Variants in PDILT observed in about 807,000 individuals in gnomAD.
PDILT encodes the protein protein disulfide-isomerase-like protein of the testis.
Under a neutral mutation model 53.7 loss-of-function variants are expected in PDILT, and 43 were observed. The ratio of observed to expected loss-of-function variants is 0.80; its 90% CI spans 0.63 to 1.03. PDILT has a LOEUF of 1.03. PDILT is among the 50% of genes least tolerant of loss of function. The pLI is 0.00. For synonymous variants in PDILT, 282 were observed against 274.2 expected (o/e 1.03, Z -0.28); for missense variants, 727 against 712.3 (o/e 1.02, Z -0.24).
chr16:20,397,870 G>T (rs1966682212), intron 2 of PDILT, among the ~76,000 whole-genome samples: 1 of 152,098 alleles, frequency 6.6e-6, no homozygotes, highest in Non-Finnish European at 1.5e-5. Context: ...CAGGCCTTAG[G>T]GACTGACACG....
At chr16:20,377,204 C>T (rs1481500230) in intron 3 of PDILT, among the ~76,000 whole-genome samples, 1 of 152,136 alleles carries the variant, frequency 6.6e-6, no homozygotes, top group African/African-American at 2.4e-5. Flanking sequence ...AGAAGGATTG[C>T]TTGAGCCCAG....
At chr16:20,367,254 CACCACACCCGGCTAA>C (rs1389598488) in intron 8 of PDILT, among the ~76,000 whole-genome samples, 1 of 151,958 alleles carries the variant, frequency 6.6e-6, no homozygotes, top group Non-Finnish European at 1.5e-5. Context: ...AGGTGCGTGC[CACCACACCCGGCTAA>C]TGTTTTGTAT....
chr16:20,364,872 G>T (rs2141701798), intron 9 of PDILT, among the ~76,000 whole-genome samples: 1 of 152,302 alleles, frequency 6.6e-6, no homozygotes, highest in East Asian at 1.9e-4. Flanking sequence ...TGGGCCATTT[G>T]ATAAGTCATC....
chr16:20,370,539 A>C (rs1167403068), intron 7 of PDILT, among the ~76,000 whole-genome samples: 1 of 152,198 alleles, frequency 6.6e-6, no homozygotes, highest in Non-Finnish European at 1.5e-5. Flanking sequence ...GACAAAACAA[A>C]CACCTAGAGA....
At chr16:20,396,406 T>A (rs1218224833) in intron 2 of PDILT, among the ~76,000 whole-genome samples, 1 of 152,224 alleles carries the variant, frequency 6.6e-6, no homozygotes, top group African/African-American at 2.4e-5. Context: ...ATGAGGTCTT[T>A]GATTAAATAT....
intron 7 of PDILT, among the ~76,000 whole-genome samples, chr16:20,371,677 T>C (rs898686567): frequency 2.6e-5 from 4 of 152,174 alleles, no homozygotes; most frequent in Non-Finnish European, 4.4e-5. Flanking sequence ...CATCTTCTGA[T>C]GTAAGCCAAA....
Position 20,384,986 on chromosome 16 carries a change from G to A in PDILT, c.203-135C>T, listed in dbSNP as rs889772763. 9.0e-6 allele frequency: 7 copies of A among 779,430 alleles called. No individual in the cohort carries two copies. The African/African-American group carries it at 1.0e-4, about 12-fold the overall frequency. 48.3% of individuals were successfully genotyped at this position (779,430 alleles called of 1,614,324 possible). On this transcript the variant is annotated intron_variant, in intron 2 of 11. Transcript: ENST00000302451. ...GGTTAATGGCTGAATTTTCATAAAT[G>A]TGACAAGATGTGAGACACAATGGTT...
intron 8 of PDILT, among the ~76,000 whole-genome samples, chr16:20,367,787 C>T (rs2141707030): frequency 6.6e-6 from 1 of 152,194 alleles, no homozygotes; most frequent in East Asian, 1.9e-4. Context: ...ACTGAAATTT[C>T]CATATGGATG....
chr16:20,360,727 AGGTAAACCCAG>A (rs1405660501), intron 10 of PDILT, 70 bp from the exon 11 acceptor site: 2 of 1,154,944 alleles, frequency 1.7e-6, no homozygotes, highest in Admixed American at 1.7e-5. Flanking sequence ...ATTGCTACCT[AGGTAAACCCAG>A]GGTCAAATTC....
chr16:20,402,221 A>T lies in PDILT; in HGVS notation c.-8+2275T>A, dbSNP rs145474281. On this transcript the variant is annotated intron_variant, in intron 1 of 11. Transcript: ENST00000302451. ...GATGCAATCAATGGTGTGTCAGATG[A>T]TGGTAATGCAAAGGAGAAAAGGTGG... Among the ~76,000 whole-genome samples, 402 of 152,338 alleles carry T rather than the reference A, an allele frequency of 2.6e-3. 2 individuals are homozygous for T. The highest frequency in any genetic ancestry group is 9.1e-3 in the African/African-American group (378 of 41,570).
intron 7 of PDILT, among the ~76,000 whole-genome samples, chr16:20,370,419 G>T (rs138069564): frequency 6.6e-6 from 1 of 152,272 alleles, no homozygotes; most frequent in East Asian, 1.9e-4. Context: ...TAGGTAGGGT[G>T]GTCAAGAGGA....
At chr16:20,376,910 A>T (rs899260663) in intron 3 of PDILT, among the ~76,000 whole-genome samples, 5 of 152,248 alleles carry the variant, frequency 3.3e-5, no homozygotes, top group Non-Finnish European at 5.9e-5. Flanking sequence ...TTTTTCTAGG[A>T]TTATCAGTTT....
At chr16:20,402,896 C>T (rs926189110) in intron 1 of PDILT, among the ~76,000 whole-genome samples, 5 of 152,142 alleles carry the variant, frequency 3.3e-5, no homozygotes, top group African/African-American at 1.2e-4. Flanking sequence ...CAGCCTTGGC[C>T]CTTGGTTCTG....
chr16:20,375,922 G>A (rs1966379168), intron 4 of PDILT, 146 bp downstream of exon 4: 1 of 972,228 alleles, frequency 1.0e-6, no homozygotes. Context: ...CTGTTCATTT[G>A]AACCCTTGGA....
rs768109168 is a variant in PDILT, at chr16:20,359,503, G to A, written c.1571C>T (p.Pro524Leu). The change falls in exon 12 of 12, where the codon CCT (proline) becomes CTT (leucine). Residue 524 changes from proline (P) to leucine (L), a missense_variant. Transcript: ENST00000302451. ...EEVLAEEKEVPMMRKGLPEQQ... is the reference protein window; with the variant it reads ...EEVLAEEKEVLMMRKGLPEQQ... Reference sequence around the variant, plus strand: ...TTCAGGTAACCCTTTCCTCATCATAGGCACCTCCTTTTCCTCAGCTAGCAC... The same window carrying A: ...TTCAGGTAACCCTTTCCTCATCATAAGCACCTCCTTTTCCTCAGCTAGCAC... The A allele has an allele frequency of 3.7e-6, 6 of 1,613,862 alleles. No individual in the cohort carries two copies. The highest frequency in any genetic ancestry group is 4.5e-5 in the East Asian group (2 of 44,888).
At position 20,366,991 on chromosome 16, in the gene PDILT, T is replaced by TTC. The variant is rs1471005920; in HGVS notation, c.1117-1452_1117-1451insGA. 5.3e-4 allele frequency among the ~76,000 whole-genome samples: 74 copies of TTC among 139,192 alleles called. 1 individual carries two copies. The highest frequency in any genetic ancestry group is 5.3e-3 in the East Asian group (21 of 3,998). 91.3% of individuals were successfully genotyped at this position (139,192 alleles called of 152,430 possible). ...TCCTTCCTTCCTTCCTTCCTTCCTTTCTTTCTTTCTTTATTTATTTCTCTC... is the reference window on the plus strand; with the variant it reads ...TCCTTCCTTCCTTCCTTCCTTCCTTTTCCTTTCTTTCTTTATTTATTTCTCTC... On this transcript the variant is annotated intron_variant, in intron 8 of 11. Coordinates refer to ENST00000302451, the MANE Select transcript of PDILT (RefSeq NM_174924.2).
chr16:20,391,257 A>C (rs1966603577), intron 2 of PDILT: 1 of 163,006 alleles, frequency 6.1e-6, no homozygotes, highest in Non-Finnish European at 1.4e-5. Context: ...AATTGTCATC[A>C]TCACCATAGT....
intron 11 of PDILT, among the ~76,000 whole-genome samples, chr16:20,360,177 G>A (rs1966076825): frequency 1.3e-5 from 2 of 151,524 alleles, no homozygotes; most frequent in Admixed American, 1.3e-4. Context: ...AATTAATACA[G>A]AGGGCACTGT....
At chr16:20,360,547 A>G (rs1966085126) in intron 11 of PDILT, 21 bp downstream of exon 11, 2 of 1,583,076 alleles carry the variant, frequency 1.3e-6, no homozygotes, top group Non-Finnish European at 1.7e-6. Flanking sequence ...AATAATTCAG[A>G]GTATTTCTGT....
Sources: allele counts gnomAD v4.1 joint callset (sites outside exome capture counted in the v4.1 genomes callset), GRCh38; gene constraint gnomAD v4.1.1; transcripts MANE v1.5; gene names NCBI Gene and HGNC (gene_info 2026-07-23, HGNC 2026-07-21).